The following SYNE1 variants were observed in gnomAD, a reference collection of about 807,000 sequenced individuals.
SYNE1 encodes spectrin repeat containing nuclear envelope protein 1.
In SYNE1, 616 loss-of-function variants were observed where a neutral mutation model predicts 1,111.0. The observed-to-expected ratio is 0.55, with a 90% CI of 0.52 to 0.59. The LOEUF (loss-of-function observed/expected upper bound fraction) is 0.59. Ranked by LOEUF, SYNE1 falls within the 20% of genes least tolerant of loss-of-function variation. The pLI, the probability that SYNE1 is intolerant of heterozygous loss-of-function variation, is 0.00. For synonymous variants in SYNE1, 3,855 were observed against 3,825.8 expected (o/e 1.01, Z -0.28); for missense variants, 10,006 against 10,417.0 (o/e 0.96, Z 1.72).
chr6:152,162,081 G>C (rs1175622899), intron 131 of SYNE1, among the ~76,000 whole-genome samples: 1 of 152,162 alleles, frequency 6.6e-6, no homozygotes, highest in Non-Finnish European at 1.5e-5. Context: ...CTGAGTAAAG[G>C]AAGCAGAGTT....
At chr6:152,210,903 G>A (rs1414860048) in intron 124 of SYNE1, among the ~76,000 whole-genome samples, 1 of 152,186 alleles carries the variant, frequency 6.6e-6, no homozygotes, top group Non-Finnish European at 1.5e-5. Flanking sequence ...CAGGCGGCAT[G>A]TAATCTGACT....
At chr6:152,277,275 T>C (rs1238284531) in intron 98 of SYNE1, among the ~76,000 whole-genome samples, 1 of 129,852 alleles carries the variant, frequency 7.7e-6, no homozygotes, top group South Asian at 2.8e-4. Context: ...TTTTTTTTTT[T>C]TTTTTTTTTT....
chr6:152,155,161 G>T, intron 132 of SYNE1, 119 bp from the exon 133 acceptor site: 2 of 1,264,594 alleles, frequency 1.6e-6, no homozygotes, highest in East Asian at 2.4e-5. Flanking sequence ...TGTGCCAAAC[G>T]ATAACCATTC....
rs994441628 is a variant in SYNE1 at position 152,581,694 on chromosome 6, C to G, written c.68-41673G>C. Among the ~76,000 whole-genome samples, 5 of 152,094 alleles carry G rather than the reference C, an allele frequency of 3.3e-5. No individual in the cohort carries two copies. In the East Asian group the frequency reaches 7.7e-4, roughly 24 times the overall value. On this transcript the variant is annotated intron_variant, in intron 3 of 145. Coordinates refer to ENST00000367255, the MANE Select transcript of SYNE1 (RefSeq NM_182961.4). Reference sequence around the variant, plus strand: ...TCCCTTGATGTTTCTTAAAGGGAACCTAGTTGTCCACCAGCCCAAGAATGC... The same window carrying G: ...TCCCTTGATGTTTCTTAAAGGGAACGTAGTTGTCCACCAGCCCAAGAATGC...
At chr6:152,398,772 G>A (rs1308869144) in intron 48 of SYNE1, 41 bp from the exon 49 acceptor site, 3 of 1,526,750 alleles carry the variant, frequency 2.0e-6, no homozygotes, top group Middle Eastern at 2.2e-4. Context: ...TAAAAAATCA[G>A]AAGCAAATCC....
intron 72 of SYNE1, among the ~76,000 whole-genome samples, chr6:152,348,957 GA>G (rs1419469511): frequency 6.6e-6 from 1 of 152,162 alleles, no homozygotes; most frequent in Non-Finnish European, 1.5e-5. Flanking sequence ...ACTCCATCAT[GA>G]GGCCATTCAT....
At chr6:152,371,925 C>A (rs57636552) in intron 59 of SYNE1, among the ~76,000 whole-genome samples, 4,276 of 33,328 alleles carry the variant, frequency 0.13, 639 homozygotes, top group African/African-American at 0.31. Flanking sequence ...AAGGAAAGGA[C>A]AGGACAGGAC....
chr6:152,350,410 C>G (rs1221039252), intron 71 of SYNE1, 75 bp from the exon 72 acceptor site: 1 of 1,597,016 alleles, frequency 6.3e-7, no homozygotes, highest in Non-Finnish European at 8.6e-7. Context: ...ATTACAAAAA[C>G]CCAGTGCAAC....
intron 47 of SYNE1, 103 bp from the exon 48 acceptor site, chr6:152,399,926 A>G (rs898241500): frequency 1.2e-5 from 15 of 1,251,494 alleles, no homozygotes; most frequent in Non-Finnish European, 1.6e-5. Context: ...GACATTGTTG[A>G]ATCCACTCCA....
chr6:152,510,300 T>A lies in SYNE1; in HGVS notation c.474A>T (p.Ile158=), dbSNP rs2099078582. ...LSSSASSVDS[I]VSSETPSPPS... ...GTGGGCTGGGAGTCTCAGAGCTAACTATGCTGTCCACGGAGGATGCGCTGC... is the reference window on the plus strand; with the variant it reads ...GTGGGCTGGGAGTCTCAGAGCTAACAATGCTGTCCACGGAGGATGCGCTGC... Residue 158 remains isoleucine (I), a synonymous_variant, in exon 8 of 146, where the codon ATA becomes ATT. Transcript: ENST00000367255. The A allele has an allele frequency of 6.2e-7, 1 of 1,614,138 alleles. No individual in the cohort carries two copies. Among genetic ancestry groups the A allele is most frequent in the Non-Finnish European group, 8.5e-7 (1 of 1,179,996 alleles).
At chr6:152,423,904 C>T (rs2098310276) in intron 39 of SYNE1, among the ~76,000 whole-genome samples, 1 of 152,204 alleles carries the variant, frequency 6.6e-6, no homozygotes, top group Non-Finnish European at 1.5e-5. Context: ...TGTCATCTCC[C>T]CAGAGAGGTC....
chr6:152,147,829 T>G (rs1447281323), intron 137 of SYNE1: 1 of 560,250 alleles, frequency 1.8e-6, no homozygotes, highest in African/African-American at 1.9e-5. Flanking sequence ...GCAAAGCGCT[T>G]GTCACCTACT....
At chr6:152,467,544 C>T (rs947966680) in intron 16 of SYNE1, among the ~76,000 whole-genome samples, 13 of 151,996 alleles carry the variant, frequency 8.6e-5, no homozygotes, top group African/African-American at 3.1e-4. Flanking sequence ...TTCTAAGTGT[C>T]AAAGAAATGG....
chr6:152,407,275 C>CT, intron 44 of SYNE1, 79 bp from the exon 45 acceptor site: 1 of 1,370,826 alleles, frequency 7.3e-7, no homozygotes, highest in Non-Finnish European at 1.0e-6. Context: ...ACCAATGCTT[C>CT]TTTTATCAGA....
At chr6:152,406,617 C>T (rs1246259559) in intron 45 of SYNE1, among the ~76,000 whole-genome samples, 2 of 152,112 alleles carry the variant, frequency 1.3e-5, no homozygotes, top group Non-Finnish European at 2.9e-5. Flanking sequence ...CCTGTAATCA[C>T]AGCACTTCAG....
At chr6:152,586,808 T>C (rs1324522573) in intron 3 of SYNE1, among the ~76,000 whole-genome samples, 2 of 152,120 alleles carry the variant, frequency 1.3e-5, no homozygotes, top group East Asian at 3.9e-4. Context: ...ATATAATTCA[T>C]AATATTGAAT....
chr6:152,251,574 C>T (rs375488473), intron 104 of SYNE1, among the ~76,000 whole-genome samples: 5 of 151,322 alleles, frequency 3.3e-5, no homozygotes, highest in African/African-American at 7.3e-5. Flanking sequence ...CCGGCTAAAA[C>T]GGTGAAACCC....
rs748172861 is a variant in SYNE1, at chr6:152,387,375, T to C, written c.8184A>G (p.Leu2728=). The change falls in exon 54 of 146, where the codon TTA becomes TTG. Residue 2728 remains leucine, a synonymous_variant. Coordinates refer to ENST00000367255, the MANE Select transcript of SYNE1 (RefSeq NM_182961.4). ...CATTCCATTGGCTAATCACAGACTC[T>C]AAAGTGCTAGAATTAATGTCACATA... ...MSSSVHAQST[L]ESVISQWNDY... The C allele has an allele frequency of 1.9e-6, 3 of 1,613,924 alleles. No homozygotes were observed. The African/African-American group carries it at 4.0e-5, about 22-fold the overall frequency.
intron 69 of SYNE1, 67 bp downstream of exon 69, chr6:152,353,196 A>G (rs1374409463): frequency 3.8e-6 from 6 of 1,569,670 alleles, no homozygotes; most frequent in Non-Finnish European, 5.3e-6. Flanking sequence ...TCCAGTATCT[A>G]TGCAGGAGAA....
Sources: gnomAD v4.1 joint callset for allele counts (sites outside exome capture counted in the v4.1 genomes callset) on GRCh38, gnomAD v4.1.1 for gene constraint, MANE v1.5 for transcripts, NCBI Gene and HGNC (gene_info 2026-07-23, HGNC 2026-07-21) for gene names.